Variants in EML4 observed in about 807,000 individuals in gnomAD.
The protein encoded by EML4 is EMAP like 4.
Under a neutral mutation model 129.0 loss-of-function variants are expected in EML4, and 72 were observed. The ratio of observed to expected loss-of-function variants is 0.56; its 90% CI spans 0.46 to 0.68. The LOEUF (loss-of-function observed/expected upper bound fraction) is 0.68, where lower values mean the gene tolerates loss of function less well. EML4 is among the 30% of genes least tolerant of loss of function. The pLI is 0.00. For missense variants in EML4, 1,363 were observed against 1,190.6 expected, an observed-to-expected ratio of 1.14 and a Z score of -2.13; for synonymous variants, 532 against 405.0, an observed-to-expected ratio of 1.31 and a Z score of -3.77.
chr2:42,303,845 A>G (rs570580524), intron 16 of EML4, among the ~76,000 whole-genome samples: 12 of 152,332 alleles, frequency 7.9e-5, no homozygotes, highest in Non-Finnish European at 1.8e-4. Context: ...GAATGGCATG[A>G]ACCCGGGAGG....
intron 1 of EML4, among the ~76,000 whole-genome samples, chr2:42,197,151 C>G (rs1671939489): frequency 6.6e-6 from 1 of 152,100 alleles, no homozygotes; most frequent in Admixed American, 6.6e-5. Context: ...CAGCCTTGAC[C>G]TCCCAGGATC....
chr2:42,257,651 C>G (rs565082934), intron 3 of EML4, among the ~76,000 whole-genome samples: 2 of 151,964 alleles, frequency 1.3e-5, no homozygotes, highest in African/African-American at 4.8e-5. Flanking sequence ...CTGGCTAACA[C>G]GGTGAAACCC....
chr2:42,236,660 G>A (rs1674693063), intron 1 of EML4, among the ~76,000 whole-genome samples: 3 of 152,028 alleles, frequency 2.0e-5, no homozygotes, highest in Admixed American at 6.6e-5. Flanking sequence ...CCTACTTTAG[G>A]TTAGGGTAAC....
chr2:42,242,686 C>A (rs910505415), intron 1 of EML4, among the ~76,000 whole-genome samples: 1 of 151,878 alleles, frequency 6.6e-6, no homozygotes, highest in Non-Finnish European at 1.5e-5. Flanking sequence ...TCCCTTCCTT[C>A]CCTTTTTTCT....
At chr2:42,232,656 C>A (rs1023212319) in intron 1 of EML4, among the ~76,000 whole-genome samples, 3 of 152,202 alleles carry the variant, frequency 2.0e-5, no homozygotes, top group African/African-American at 7.2e-5. Context: ...AAGTGCTTTC[C>A]TGAGTCTTAC....
rs866569829 is a variant in EML4, at chr2:42,326,207, A to T, written c.2296A>T (p.Ile766Phe). Residue 766 changes from isoleucine to phenylalanine, a missense_variant, in exon 21 of 23, where the codon ATT becomes TTT. Coordinates refer to ENST00000318522, the MANE Select transcript of EML4 (RefSeq NM_019063.5). ...CAGGAATCGATCGGATTGTAAGGAC[A>T]TTGATTGGACGACATATACCTGTGT... The part of the protein sequence containing the change: ...LIRNRSDCKD[I>F]DWTTYTCVLG... The T allele has an allele frequency of 7.4e-6, 12 of 1,613,904 alleles. No homozygotes were observed. Among genetic ancestry groups the T allele is most frequent in the African/African-American group, 1.3e-5 (1 of 75,050 alleles).
chr2:42,182,482 C>T lies in EML4; in HGVS notation c.25+12846C>T, dbSNP rs935985973. Among the ~76,000 whole-genome samples, 19 of 152,176 alleles carry T rather than the reference C, an allele frequency of 1.2e-4. No homozygotes were observed. The East Asian group carries it at 1.5e-3, about 12-fold the overall frequency. ...GATACCCTGCACTAAACTGACACCC[C>T]GTACTGTGCTGCTCCTCTGCCAGAA... On this transcript the variant is annotated intron_variant, in intron 1 of 22. Transcript: ENST00000318522.
At chr2:42,285,508 T>C (rs1449182389) in intron 9 of EML4, among the ~76,000 whole-genome samples, 26 of 152,144 alleles carry the variant, frequency 1.7e-4, no homozygotes, top group Admixed American at 1.7e-3. Flanking sequence ...TGTGTTATTT[T>C]CTCAGGAATG....
In EML4 at chr2:42,316,052, T is replaced by C; in HGVS notation, c.2056+2T>C. 1.9e-6 allele frequency: 3 copies of C among 1,607,382 alleles called. No individual in the cohort carries two copies. Among genetic ancestry groups the C allele is most frequent in the Non-Finnish European group, 2.6e-6 (3 of 1,174,558 alleles). ...TCTCTGTGATGCGCTACTCAATAGG[T>C]AGGCAAATTTACTCCCACCTCCCAA... is the stretch of plus-strand genomic sequence containing the variant. On this transcript the variant is annotated splice_donor_variant, in intron 18 of 22. Transcript: ENST00000318522. LOFTEE classifies it high-confidence loss of function.
At chr2:42,257,982 A>C (rs886591663) in intron 3 of EML4, among the ~76,000 whole-genome samples, 3 of 152,228 alleles carry the variant, frequency 2.0e-5, no homozygotes, top group African/African-American at 7.2e-5. Context: ...AATGTTAGAA[A>C]ATTTTAGTAC....
intron 1 of EML4, among the ~76,000 whole-genome samples, chr2:42,211,004 G>A (rs1459118372): frequency 1.3e-5 from 2 of 152,188 alleles, no homozygotes; most frequent in African/African-American, 2.4e-5. Context: ...TCTTCTCAAA[G>A]TAATCAGAAG....
intron 13 of EML4, 21 bp from the exon 14 acceptor site, chr2:42,301,217 GTTT>G: frequency 1.3e-6 from 2 of 1,592,648 alleles, no homozygotes; most frequent in Non-Finnish European, 1.7e-6. Context: ...TATCACTAGT[GTTT>G]TTATTTTTCC....
At chr2:42,239,433 T>G (rs1430024012) in intron 1 of EML4, among the ~76,000 whole-genome samples, 1 of 152,250 alleles carries the variant, frequency 6.6e-6, no homozygotes, top group Non-Finnish European at 1.5e-5. Context: ...TATCATTGTA[T>G]TCTTTAAACT....
At chr2:42,253,954 AC>A (rs1274170481) in intron 2 of EML4, among the ~76,000 whole-genome samples, 5 of 152,202 alleles carry the variant, frequency 3.3e-5, no homozygotes, top group African/African-American at 1.2e-4. Context: ...TCTTTCAAAA[AC>A]TGTTTTGAAA....
intron 7 of EML4, among the ~76,000 whole-genome samples, chr2:42,281,181 C>T (rs1666983799): frequency 6.6e-6 from 1 of 152,012 alleles, no homozygotes; most frequent in African/African-American, 2.4e-5. Context: ...ATCACAAAGT[C>T]AGTAGTTCAA....
At chr2:42,257,499 C>G (rs1572639281) in intron 3 of EML4, among the ~76,000 whole-genome samples, 1 of 152,238 alleles carries the variant, frequency 6.6e-6, no homozygotes, top group Middle Eastern at 3.4e-3. Context: ...CAGTTGATGA[C>G]AAGAATGTTG....
At chr2:42,210,279 G>C (rs1447162844) in intron 1 of EML4, among the ~76,000 whole-genome samples, 1 of 152,028 alleles carries the variant, frequency 6.6e-6, no homozygotes, top group Non-Finnish European at 1.5e-5. Context: ...GAGCAGTACT[G>C]GTATATTGTA....
intron 17 of EML4, among the ~76,000 whole-genome samples, chr2:42,306,227 C>T (rs1668585143): frequency 6.6e-6 from 1 of 152,114 alleles, no homozygotes; most frequent in Admixed American, 6.5e-5. Flanking sequence ...GAGTTTGGTC[C>T]ATTCTCTTTG....
intron 19 of EML4, 126 bp from the exon 20 acceptor site, chr2:42,325,341 G>T: frequency 3.3e-6 from 2 of 611,426 alleles, no homozygotes; most frequent in South Asian, 2.9e-5. Context: ...TAGAGGGTGT[G>T]ACACTGCTTC....
Sources: allele counts gnomAD v4.1 joint callset (sites outside exome capture counted in the v4.1 genomes callset), GRCh38; gene constraint gnomAD v4.1.1; transcripts MANE v1.5; gene names NCBI Gene and HGNC (gene_info 2026-07-23, HGNC 2026-07-21).